Variants in PRMT8 observed in about 807,000 individuals in gnomAD.
PRMT8 encodes protein arginine methyltransferase 8, also known as protein arginine N-methyltransferase 8.
Under a neutral mutation model 47.1 loss-of-function variants are expected in PRMT8, and 7 were observed. The ratio of observed to expected loss-of-function variants is 0.15; its 90% CI spans 0.08 to 0.28. PRMT8 has a LOEUF of 0.28. Among genes scored for constraint, PRMT8 ranks in the 10% least tolerant of loss-of-function variants. The pLI, the probability that PRMT8 is intolerant of heterozygous loss-of-function variation, is 1.00. For synonymous variants in PRMT8, 188 were observed against 186.5 expected (o/e 1.01, Z -0.07); for missense variants, 237 against 505.4 (o/e 0.47, Z 5.09).
chr12:3,455,152 C>A (rs971779204), intron 1 of PRMT8, among the ~76,000 whole-genome samples: 8 of 152,200 alleles, frequency 5.3e-5, no homozygotes, highest in Non-Finnish European at 1.2e-4. Context: ...TCTTTCTCTG[C>A]TGCAGCCCTA....
chr12:3,388,041 T>C (rs10444476), intron 1 of PRMT8, among the ~76,000 whole-genome samples: 4 of 136,056 alleles, frequency 2.9e-5, no homozygotes, highest in African/African-American at 1.1e-4. Context: ...TTTCTCCTTC[T>C]TTCCTTCCTT....
At position 3,429,690 on chromosome 12, in the gene PRMT8, C is replaced by T. The variant is rs564853473; in HGVS notation, c.48+48248C>T. On this transcript the variant is annotated intron_variant, in intron 1 of 9. Coordinates refer to the PRMT8 transcript ENST00000452611. Reference sequence around the variant, plus strand: ...TCCACTCAAATGGAGTGCACAAGTTCCAAAGACCAGTCTTACCAAGTTTCA... The same window carrying T: ...TCCACTCAAATGGAGTGCACAAGTTTCAAAGACCAGTCTTACCAAGTTTCA... Among the ~76,000 whole-genome samples the T allele has an allele frequency of 3.9e-5, 6 of 152,316 alleles. No homozygotes were observed. The South Asian group carries it at 1.2e-3, about 32-fold the overall frequency.
chr12:3,460,975 C>T (rs1565413466), intron 1 of PRMT8, among the ~76,000 whole-genome samples: 1 of 152,224 alleles, frequency 6.6e-6, no homozygotes, highest in African/African-American at 2.4e-5. Flanking sequence ...AAGTTGCCCA[C>T]ATTTTTCTGG....
intron 2 of PRMT8, among the ~76,000 whole-genome samples, chr12:3,544,740 G>A (rs919698648): frequency 2.6e-5 from 4 of 152,336 alleles, no homozygotes; most frequent in African/African-American, 9.6e-5. Flanking sequence ...TCCCCAGCAA[G>A]ATACCATACG....
rs1032957372 is a variant in PRMT8 at position 3,458,446 on chromosome 12, G to A, written c.48+77004G>A. On this transcript the variant is annotated intron_variant, in intron 1 of 9. Coordinates refer to the PRMT8 transcript ENST00000452611. ...GGGTGCCAGAGAAAACTCCCACCTT[G>A]ACGAGAGGAGGCACAGACACCAGCC... Among the ~76,000 whole-genome samples, 9 of 152,284 alleles carry A rather than the reference G, an allele frequency of 5.9e-5. 1 individual carries two copies. The highest frequency in any genetic ancestry group is 7.2e-5 in the African/African-American group (3 of 41,562).
chr12:3,592,084 C>T, intron 8 of PRMT8, 147 bp from the exon 9 acceptor site: 2 of 886,750 alleles, frequency 2.3e-6, no homozygotes, highest in Non-Finnish European at 3.3e-6. Context: ...GGACTATGCA[C>T]CTGACCCAAC....
rs918998099 is a variant in PRMT8 at position 3,514,027 on chromosome 12, C to T, written c.75+22327C>T. Among the ~76,000 whole-genome samples the T allele has an allele frequency of 7.9e-5, 12 of 152,080 alleles. No homozygotes were observed. The highest frequency in any genetic ancestry group is 4.2e-4 in the South Asian group (2 of 4,814). ...CGGATACTGAAGGATCAGGCAGATC[C>T]GGGCAGAGGCAGGGGGCAGGGGCAG... On this transcript the variant is annotated intron_variant, in intron 1 of 9. Coordinates refer to ENST00000382622, the MANE Select transcript of PRMT8 (RefSeq NM_019854.5). The surrounding 1 kb of genome is among the most constrained non-coding windows in gnomAD (Gnocchi z 5.9).
chr12:3,584,004 C>T (rs1481039990), intron 8 of PRMT8, among the ~76,000 whole-genome samples: 1 of 152,192 alleles, frequency 6.6e-6, no homozygotes, highest in Non-Finnish European at 1.5e-5. Context: ...GTGGGAGGGG[C>T]CTTAGTCAGA....
chr12:3,424,188 A>G (rs1864575882), intron 1 of PRMT8, among the ~76,000 whole-genome samples: 1 of 152,144 alleles, frequency 6.6e-6, no homozygotes, highest in Non-Finnish European at 1.5e-5. Flanking sequence ...TCAAACTAAG[A>G]TATTTACTCG....
chr12:3,542,106 C>T (rs1293273764), intron 2 of PRMT8, among the ~76,000 whole-genome samples: 2 of 152,238 alleles, frequency 1.3e-5, no homozygotes, highest in Non-Finnish European at 2.9e-5. Flanking sequence ...CCTGCTGGTT[C>T]TTCTGCAGCC....
intron 4 of PRMT8, among the ~76,000 whole-genome samples, chr12:3,554,033 C>T (rs940699789): frequency 1.3e-5 from 2 of 152,176 alleles, no homozygotes; most frequent in Non-Finnish European, 2.9e-5. Flanking sequence ...CATTCCTCCT[C>T]CTCCTCCTCT....
In PRMT8 at chr12:3,552,356, G is replaced by A. The variant is rs1449833760; in HGVS notation, c.418-1295G>A. The A allele has an allele frequency of 2.4e-5, 4 of 164,964 alleles. No homozygotes were observed. Among genetic ancestry groups the A allele is most frequent in the African/African-American group, 9.6e-5 (4 of 41,808 alleles). 10.2% of individuals were successfully genotyped at this position (164,964 alleles called of 1,614,324 possible). A position where few individuals can be genotyped will look rare whatever the true frequency, so the allele number is the denominator to read the frequency against. Reference sequence around the variant, plus strand: ...GCCCCGCACTCTGAGTGTTGAGCAAGCTTCGGCTGAGTTTACCCTCACACA... The same window carrying A: ...GCCCCGCACTCTGAGTGTTGAGCAAACTTCGGCTGAGTTTACCCTCACACA... On this transcript the variant is annotated intron_variant, in intron 3 of 9. Coordinates refer to ENST00000382622, the MANE Select transcript of PRMT8 (RefSeq NM_019854.5). This position sits in a 1 kb window ranked among gnomAD's most constrained non-coding sequence, Gnocchi z 4.5.
chr12:3,518,913 A>G (rs192514314), intron 1 of PRMT8, among the ~76,000 whole-genome samples: 63 of 152,316 alleles, frequency 4.1e-4, no homozygotes, highest in African/African-American at 1.5e-3. Flanking sequence ...TATTACTAAG[A>G]AACTGCAAAA....
intron 6 of PRMT8, among the ~76,000 whole-genome samples, chr12:3,571,801 C>A (rs1866852194): frequency 1.3e-5 from 2 of 152,168 alleles, no homozygotes; most frequent in South Asian, 2.1e-4. Context: ...GTAAAGGAAG[C>A]AAACCCACTT....
rs547016268 is a variant in PRMT8, at chr12:3,409,249, G to C, written c.48+27807G>C. ...TTTTTAACTATGACCCTGACTCTGG[G>C]GTGCAGGGCACAGCACTGGCCCAGC... On this transcript the variant is annotated intron_variant, in intron 1 of 9. Transcript: ENST00000452611. The surrounding 1 kb of genome is among the most constrained non-coding windows in gnomAD (Gnocchi z 4.4). Among the ~76,000 whole-genome samples, 128 of 152,264 alleles carry C rather than the reference G, an allele frequency of 8.4e-4. No homozygotes were observed. Among genetic ancestry groups the C allele is most frequent in the Non-Finnish European group, 1.5e-3 (100 of 68,008 alleles).
chr12:3,496,138 C>T (rs1865500276), intron 1 of PRMT8, among the ~76,000 whole-genome samples: 1 of 142,548 alleles, frequency 7.0e-6, no homozygotes, highest in Non-Finnish European at 1.5e-5. Flanking sequence ...GGTTTTATCA[C>T]CTCAAAGGAG....
At chr12:3,507,338 G>A (rs1320283448) in intron 1 of PRMT8, among the ~76,000 whole-genome samples, 3 of 151,998 alleles carry the variant, frequency 2.0e-5, no homozygotes, top group African/African-American at 7.3e-5. Flanking sequence ...AGCCAGGATG[G>A]TCTCGATCTC....
At position 3,576,829 on chromosome 12, in the gene PRMT8, G is replaced by C. The variant is rs116660827; in HGVS notation, c.713-42G>C. ...CTCAGGAGGGTTGGGTGAGCTTCTG[G>C]GGGTCCTGCGCCTGCCTTCACGTCT... On this transcript the variant is annotated intron_variant, in intron 6 of 9. Coordinates refer to ENST00000382622, the MANE Select transcript of PRMT8 (RefSeq NM_019854.5). This position sits in a 1 kb window ranked among gnomAD's most constrained non-coding sequence, Gnocchi z 4.0. 1.6e-5 allele frequency: 25 copies of C among 1,535,426 alleles called. No individual in the cohort carries two copies. The South Asian group carries it at 2.7e-4, about 17-fold the overall frequency.
Position 3,538,689 on chromosome 12 carries a change from G to T in PRMT8, c.76-1917G>T, listed in dbSNP as rs1326667606. On this transcript the variant is annotated intron_variant, in intron 1 of 9. Coordinates refer to ENST00000382622, the MANE Select transcript of PRMT8 (RefSeq NM_019854.5). This position sits in a 1 kb window ranked among gnomAD's most constrained non-coding sequence, Gnocchi z 4.6. The stretch of plus-strand genomic sequence containing the variant: ...TATTGGGGTCAGCTTCATGCACGGA[G>T]CCTTCTTCAGCTTTAGAGGTGATTC... 1 of 518,984 alleles carries T rather than the reference G, an allele frequency of 1.9e-6. No individual in the cohort carries two copies. Among genetic ancestry groups the T allele is most frequent in the South Asian group, 1.4e-5 (1 of 71,590 alleles). The allele number at this position is 518,984 out of a possible 1,614,324, so 32.1% of individuals were successfully genotyped here.
Sources: gnomAD v4.1 joint callset for allele counts (sites outside exome capture counted in the v4.1 genomes callset) on GRCh38, gnomAD v4.1.1 for gene constraint, Gnocchi (gnomAD v3.1) non-coding constraint, MANE v1.5 for transcripts, NCBI Gene and HGNC (gene_info 2026-07-23, HGNC 2026-07-21) for gene names.